Variants in LRPPRC observed in about 807,000 individuals in gnomAD.
LRPPRC encodes leucine-rich PPR motif-containing protein, mitochondrial.
LRPPRC carries 120 observed loss-of-function variants against 180.3 expected under a neutral mutation model. The observed-to-expected ratio is 0.67, with a 90% confidence interval of 0.57 to 0.77. The LOEUF (loss-of-function observed/expected upper bound fraction) is 0.77. LRPPRC is among the 30% of genes least tolerant of loss of function. LRPPRC has a pLI of 0.00. For missense variants in LRPPRC, 2,012 were observed against 1,657.2 expected, an observed-to-expected ratio of 1.21 and a Z score of -3.72; for synonymous variants, 723 against 600.0, an observed-to-expected ratio of 1.21 and a Z score of -3.00.
intron 32 of LRPPRC, among the ~76,000 whole-genome samples, 193 bp downstream of exon 32, chr2:43,901,127 T>A (rs1280987022): frequency 6.6e-6 from 1 of 152,224 alleles, no homozygotes; most frequent in African/African-American, 2.4e-5. Flanking sequence ...AAATGCTGTT[T>A]ATTCTAAGAT....
At chr2:43,926,067 T>C (rs1671866647) in intron 25 of LRPPRC, 106 bp from the exon 26 acceptor site, 2 of 702,516 alleles carry the variant, frequency 2.8e-6, no homozygotes, top group Non-Finnish European at 5.2e-6. Flanking sequence ...GCCAAATATA[T>C]ATACTAAACT....
chr2:43,908,956 T>C (rs747603943), intron 30 of LRPPRC, among the ~76,000 whole-genome samples: 1 of 152,212 alleles, frequency 6.6e-6, no homozygotes, highest in Non-Finnish European at 1.5e-5. Flanking sequence ...CTTGCTACAG[T>C]AGCTCATTTG....
At chr2:43,974,520 C>T in intron 8 of LRPPRC, 94 bp downstream of exon 8, 1 of 952,578 alleles carries the variant, frequency 1.0e-6, no homozygotes, top group South Asian at 1.5e-5. Context: ...TCAACTCCCA[C>T]AATGCCCATT....
At chr2:43,957,066 T>C (rs1673148616) in intron 14 of LRPPRC, among the ~76,000 whole-genome samples, 1 of 152,208 alleles carries the variant, frequency 6.6e-6, no homozygotes, top group Non-Finnish European at 1.5e-5. Flanking sequence ...ACCTTGCAAT[T>C]AAATGCTCAA....
chr2:43,886,409 T>C lies in LRPPRC; in HGVS notation c.*2191A>G, dbSNP rs1334275975. 4 of 152,218 alleles carry C rather than the reference T, an allele frequency of 2.6e-5. No homozygotes were observed. The highest frequency in any genetic ancestry group is 9.6e-5 in the African/African-American group (4 of 41,472). 9.4% of individuals were successfully genotyped at this position (152,218 alleles called of 1,614,324 possible). On this transcript the variant is annotated 3_prime_UTR_variant, in exon 38 of 38. Transcript: ENST00000260665. Reference sequence around the variant, plus strand: ...AGAAAGCTGCTAAATTGTTTATATTTCTACTTATTTCAATTTAGCTATTAG... The same window carrying C: ...AGAAAGCTGCTAAATTGTTTATATTCCTACTTATTTCAATTTAGCTATTAG...
intron 2 of LRPPRC, among the ~76,000 whole-genome samples, chr2:43,981,191 G>C (rs1416681022): frequency 6.6e-6 from 1 of 152,040 alleles, no homozygotes; most frequent in African/African-American, 2.4e-5. Context: ...ATTTTTAGTA[G>C]CTAATTGAAA....
chr2:43,950,219 T>C (rs1040471395), intron 15 of LRPPRC, among the ~76,000 whole-genome samples: 2 of 148,624 alleles, frequency 1.3e-5, no homozygotes, highest in Non-Finnish European at 3.0e-5. Context: ...TTTTTTTAAT[T>C]TCCAACTTTT....
At chr2:43,947,937 G>A (rs969147544) in intron 18 of LRPPRC, among the ~76,000 whole-genome samples, 162 bp from the exon 19 acceptor site, 6 of 151,616 alleles carry the variant, frequency 4.0e-5, no homozygotes, top group East Asian at 1.9e-4. Flanking sequence ...TGTAATTAAC[G>A]TTATAAATAT....
chr2:43,917,239 C>A (rs1434239611), intron 29 of LRPPRC, among the ~76,000 whole-genome samples: 1 of 151,712 alleles, frequency 6.6e-6, no homozygotes, highest in Admixed American at 6.6e-5. Flanking sequence ...TGGAGTTTCA[C>A]CATGTTGGCC....
At chr2:43,982,830 C>A (rs1427763596) in intron 1 of LRPPRC, among the ~76,000 whole-genome samples, 3 of 152,048 alleles carry the variant, frequency 2.0e-5, no homozygotes, top group Admixed American at 6.5e-5. Flanking sequence ...GACAAGAGAT[C>A]TAAAATATAT....
chr2:43,899,755 C>T, intron 32 of LRPPRC, 150 bp from the exon 33 acceptor site: 4 of 621,282 alleles, frequency 6.4e-6, no homozygotes, highest in Non-Finnish European at 1.1e-5. Context: ...AAACACTAGG[C>T]AACTGAAACC....
intron 14 of LRPPRC, among the ~76,000 whole-genome samples, chr2:43,953,756 C>A (rs1672995304): frequency 6.6e-6 from 1 of 152,182 alleles, no homozygotes; most frequent in East Asian, 1.9e-4. Context: ...TGAAAGCACA[C>A]ATAAATTCAG....
intron 30 of LRPPRC, among the ~76,000 whole-genome samples, chr2:43,906,122 CT>C (rs142657053): frequency 0.01 from 1,534 of 149,874 alleles, 20 homozygotes; most frequent in African/African-American, 0.032. Flanking sequence ...AAGCTGGATA[CT>C]TTTTTTTTTC....
At chr2:43,904,536 T>C (rs912913084) in intron 31 of LRPPRC, 12 of 150,764 alleles carry the variant, frequency 8.0e-5, no homozygotes, top group African/African-American at 2.4e-4. Flanking sequence ...CTACTGAAAA[T>C]ACAAAAATTA....
chr2:43,914,604 T>C (rs1020872604), intron 29 of LRPPRC, among the ~76,000 whole-genome samples: 1 of 152,006 alleles, frequency 6.6e-6, no homozygotes, highest in African/African-American at 2.4e-5. Context: ...GGGGGGTGCC[T>C]GTAATCCCAG....
intron 3 of LRPPRC, among the ~76,000 whole-genome samples, chr2:43,978,968 C>T (rs976659706): frequency 2.6e-5 from 4 of 152,022 alleles, no homozygotes; most frequent in African/African-American, 7.2e-5. Context: ...ATAATAACTT[C>T]TTGTATTGTT....
At chr2:43,969,585 T>C (rs1402834889) in intron 11 of LRPPRC, among the ~76,000 whole-genome samples, 2 of 152,150 alleles carry the variant, frequency 1.3e-5, no homozygotes, top group Non-Finnish European at 2.9e-5. Flanking sequence ...ATAGGAATGA[T>C]GATAATAAAG....
At chr2:43,924,956 T>G (rs1261499721) in intron 27 of LRPPRC, 111 bp downstream of exon 27, 1 of 753,744 alleles carries the variant, frequency 1.3e-6, no homozygotes, top group African/African-American at 1.7e-5. Flanking sequence ...CTCTGTTGAA[T>G]GAAAACTGCC....
chr2:43,939,649 GC>G (rs1209716412), intron 23 of LRPPRC, among the ~76,000 whole-genome samples: 1 of 152,156 alleles, frequency 6.6e-6, no homozygotes, highest in Non-Finnish European at 1.5e-5. Flanking sequence ...ACTTGAAAGA[GC>G]TAAATGTTTT....
Sources: allele counts gnomAD v4.1 joint callset (sites outside exome capture counted in the v4.1 genomes callset), GRCh38; gene constraint gnomAD v4.1.1; transcripts MANE v1.5; gene names NCBI Gene and HGNC (gene_info 2026-07-23, HGNC 2026-07-21).